The following ANO2 variants were observed in gnomAD, a reference collection of about 807,000 sequenced individuals.
The protein encoded by ANO2 is anoctamin 2.
Under a neutral mutation model 124.2 loss-of-function variants are expected in ANO2, and 101 were observed. The observed-to-expected ratio is 0.81, with a 90% CI of 0.69 to 0.96. ANO2 has a LOEUF of 0.96. Among genes scored for constraint, ANO2 ranks in the 40% least tolerant of loss-of-function variants. The pLI is 0.00. For synonymous variants in ANO2, 486 were observed against 482.5 expected (o/e 1.01, Z -0.09); for missense variants, 1,293 against 1,274.5 (o/e 1.01, Z -0.22).
chr12:5,863,094 C>G (rs2137268423), intron 3 of ANO2, among the ~76,000 whole-genome samples: 1 of 152,300 alleles, frequency 6.6e-6, no homozygotes, highest in East Asian at 1.9e-4. Context: ...GCCTTCCCAC[C>G]CACGTGGAAC....
At chr12:5,638,679 C>A (rs935299751) in intron 15 of ANO2, among the ~76,000 whole-genome samples, 5 of 151,968 alleles carry the variant, frequency 3.3e-5, no homozygotes, top group Non-Finnish European at 7.4e-5. Flanking sequence ...ACATTCTGTG[C>A]CTTAAGCCAC....
intron 10 of ANO2, among the ~76,000 whole-genome samples, chr12:5,792,245 C>T (rs190091545): frequency 1.6e-4 from 24 of 152,290 alleles, no homozygotes; most frequent in Admixed American, 1.2e-3. Context: ...GGAATGTCCC[C>T]GGGCAGGTGC....
chr12:5,941,346 A>C (rs1274123472), intron 1 of ANO2, among the ~76,000 whole-genome samples: 1 of 152,240 alleles, frequency 6.6e-6, no homozygotes, highest in African/African-American at 2.4e-5. Context: ...GGGTGGGATT[A>C]ACAGCAAACT....
At chr12:5,689,406 T>C (rs1948839964) in intron 14 of ANO2, among the ~76,000 whole-genome samples, 1 of 152,164 alleles carries the variant, frequency 6.6e-6, no homozygotes, top group Non-Finnish European at 1.5e-5. Flanking sequence ...AGGCTTTTTA[T>C]GGGAGGCATA....
At chr12:5,889,693 C>G (rs1939250019) in intron 3 of ANO2, among the ~76,000 whole-genome samples, 2 of 152,248 alleles carry the variant, frequency 1.3e-5, no homozygotes, top group African/African-American at 4.8e-5. Context: ...GGCCACCAGA[C>G]AGGCCATTAA....
At chr12:5,918,879 C>A (rs1016532281) in intron 3 of ANO2, among the ~76,000 whole-genome samples, 2 of 152,158 alleles carry the variant, frequency 1.3e-5, no homozygotes, top group South Asian at 2.1e-4. Context: ...ATTGCTCCAT[C>A]TAATGATGAG....
At chr12:5,866,577 T>C (rs1391035601) in intron 3 of ANO2, among the ~76,000 whole-genome samples, 2 of 152,232 alleles carry the variant, frequency 1.3e-5, no homozygotes, top group Non-Finnish European at 2.9e-5. Context: ...GAGTTGTACT[T>C]TGACCACTAC....
intron 15 of ANO2, among the ~76,000 whole-genome samples, chr12:5,642,024 AT>A (rs1308398121): frequency 6.6e-6 from 1 of 152,046 alleles, no homozygotes; most frequent in Non-Finnish European, 1.5e-5. Flanking sequence ...GATGACACAG[AT>A]TTTTCTCTCA....
rs1019498351 is a variant in ANO2, at chr12:5,925,785, C to T, written c.23-2981G>A. ...CCTTGGGTGTTCATAACTGCAATGC[C>T]GTGAGGGTGGGGGCATGGCTTACCC... On this transcript the variant is annotated intron_variant, in intron 1 of 24. Transcript: ENST00000682330. This position sits in a 1 kb window ranked among gnomAD's most constrained non-coding sequence, Gnocchi z 4.6. Among the ~76,000 whole-genome samples, 2 of 152,190 alleles carry T rather than the reference C, an allele frequency of 1.3e-5. No individual in the cohort carries two copies. The highest frequency in any genetic ancestry group is 2.4e-5 in the African/African-American group (1 of 41,448).
Position 5,563,445 on chromosome 12 carries a change from C to T in ANO2, c.2851G>A (p.Glu951Lys). 1 of 1,613,762 alleles carries T rather than the reference C, an allele frequency of 6.2e-7. No homozygotes were observed. The highest frequency in any genetic ancestry group is 8.5e-7 in the Non-Finnish European group (1 of 1,179,826). Residue 951 changes from glutamate to lysine, a missense_variant, in exon 25 of 25, where the codon GAG (glutamate) becomes AAG (lysine). Glu to Lys is a moderately conservative substitution (Grantham distance 56, BLOSUM62 1). Coordinates refer to ENST00000682330, the MANE Select transcript of ANO2 (RefSeq NM_001364791.2). ...LVDFFLKEEH[E>K]KLKLMDEPAL... is the part of the protein sequence containing the mutation. The stretch of plus-strand genomic sequence containing the variant: ...GGCTCATCCATCAGCTTGAGCTTCT[C>T]ATGCTCCTCTTTCAGGAAGAAATCC...
At chr12:5,859,749 G>A (rs1326741681) in intron 3 of ANO2, among the ~76,000 whole-genome samples, 1 of 151,966 alleles carries the variant, frequency 6.6e-6, no homozygotes, top group Non-Finnish European at 1.5e-5. Flanking sequence ...CCCCAGCCTG[G>A]TCTCAAACTC....
chr12:5,926,501 G>T (rs1049658921), intron 1 of ANO2, among the ~76,000 whole-genome samples: 3 of 152,014 alleles, frequency 2.0e-5, no homozygotes, highest in Non-Finnish European at 4.4e-5. Flanking sequence ...CTGGGGTCCC[G>T]CCATACACCT....
chr12:5,823,168 A>G (rs1953859898), intron 7 of ANO2, among the ~76,000 whole-genome samples: 1 of 152,182 alleles, frequency 6.6e-6, no homozygotes, highest in African/African-American at 2.4e-5. Flanking sequence ...TTTCAAAACC[A>G]ATCATGCCTT....
chr12:5,690,369 C>T (rs1209761794), intron 14 of ANO2, among the ~76,000 whole-genome samples: 1 of 152,112 alleles, frequency 6.6e-6, no homozygotes, highest in East Asian at 1.9e-4. Context: ...AGATTGGGTG[C>T]CCTGACACTG....
intron 4 of ANO2, among the ~76,000 whole-genome samples, chr12:5,838,121 C>A (rs1591677136): frequency 2.0e-5 from 3 of 152,328 alleles, no homozygotes; most frequent in Admixed American, 2.0e-4. Flanking sequence ...CTGAGAACCT[C>A]CAGGCAGTTC....
chr12:5,578,445 G>T lies in ANO2; in HGVS notation c.2307C>A (p.Asn769Lys), dbSNP rs377226128. 3.1e-6 allele frequency: 5 copies of T among 1,613,994 alleles called. No individual in the cohort carries two copies. The highest frequency in any genetic ancestry group is 3.3e-5 in the Admixed American group (2 of 60,020). The change falls in exon 21 of 25, where the codon AAC becomes AAA. Residue 769 changes from asparagine (N) to lysine (K), a missense_variant. Physicochemically the swap from Asn to Lys is moderately conservative, Grantham distance 94 (BLOSUM62 0). Transcript: ENST00000682330. ...TTGCATCGAGCCGCACTTCAATGAC[G>T]TTGTTGAGGAGGGCAAACACAGGTG... ...PLAPVFALLN[N>K]VIEVRLDAKK... is the part of the protein sequence containing the mutation.
chr12:5,832,750 T>C (rs747681160), intron 4 of ANO2, 147 bp from the exon 5 acceptor site: 32 of 945,456 alleles, frequency 3.4e-5, no homozygotes, highest in Non-Finnish European at 4.7e-5. Context: ...AGGAGGGCCT[T>C]TCCCTTTTCC....
At chr12:5,872,222 T>C (rs944615694) in intron 3 of ANO2, among the ~76,000 whole-genome samples, 35 of 152,288 alleles carry the variant, frequency 2.3e-4, no homozygotes, top group African/African-American at 7.7e-4. Context: ...GACCAGTCTA[T>C]GTCCTGGGCA....
intron 14 of ANO2, among the ~76,000 whole-genome samples, chr12:5,706,424 C>A (rs570114692): frequency 6.6e-6 from 1 of 152,028 alleles, no homozygotes; most frequent in East Asian, 1.9e-4. Flanking sequence ...AATATACCTG[C>A]CCCGGGGCCT....
Sources: allele counts gnomAD v4.1 joint callset (sites outside exome capture counted in the v4.1 genomes callset), GRCh38; gene constraint gnomAD v4.1.1; non-coding constraint Gnocchi (gnomAD v3.1); transcripts MANE v1.5; gene names NCBI Gene and HGNC (gene_info 2026-07-23, HGNC 2026-07-21).